APLP1: variants seen among roughly 807,000 people sequenced by gnomAD.
APLP1 encodes the protein amyloid beta (A4) precursor-like protein 1.
Under a neutral mutation model 84.5 loss-of-function variants are expected in APLP1, and 46 were observed. The ratio of observed to expected loss-of-function variants is 0.54; its 90% confidence interval spans 0.43 to 0.70. APLP1 has a LOEUF of 0.70. Among genes scored for constraint, APLP1 ranks in the 30% least tolerant of loss-of-function variants. The probability of loss-of-function intolerance (pLI) is 0.00; values close to 1 mark genes in which losing one functional copy is unlikely to be tolerated. For missense variants in APLP1, 826 were observed against 900.2 expected (o/e 0.92, Z 1.05); for synonymous variants, 376 against 364.0 (o/e 1.03, Z -0.38).
At position 35,879,387 on chromosome 19, in the gene APLP1, G is replaced by A; in HGVS notation, c.1902G>A (p.Leu634=). The part of the protein sequence containing the change: ...LTLEEQQLRE[L]QRHGYENPTY... ...TGGAGGAGCAGCAGCTCCGCGAACTGCAGCGGCACGGCTATGAGAACCCCA... is the reference window on the plus strand; with the variant it reads ...TGGAGGAGCAGCAGCTCCGCGAACTACAGCGGCACGGCTATGAGAACCCCA... Residue 634 remains leucine, a synonymous_variant, in exon 17 of 17, where the codon CTG becomes CTA. Transcript: ENST00000221891. 3 of 1,613,968 alleles carry A rather than the reference G, an allele frequency of 1.9e-6. No individual in the cohort carries two copies. The highest frequency in any genetic ancestry group is 1.1e-5 in the South Asian group (1 of 91,086).
intron 10 of APLP1, among the ~76,000 whole-genome samples, chr19:35,876,056 T>C (rs1438982965): frequency 6.6e-6 from 1 of 152,242 alleles, no homozygotes; most frequent in African/African-American, 2.4e-5. Context: ...ATTACAGGCA[T>C]GAGCCACCGC....
rs2146899956 is a variant in APLP1, at chr19:35,869,814, G to A, written c.291+4G>A. 6.3e-7 allele frequency: 1 copy of A among 1,589,718 alleles called. No individual in the cohort carries two copies. ...CGTGCTGGAGTACTGCAGACAGGTG[G>A]GCGGGGCCGAACGGGAGAGGCGGGG... On this transcript the variant is annotated splice_donor_region_variant and intron_variant, in intron 2 of 16. Coordinates refer to ENST00000221891, the MANE Select transcript of APLP1 (RefSeq NM_001024807.3).
chr19:35,878,079 C>T lies in APLP1; in HGVS notation c.1553-3C>T, dbSNP rs1378577074. Reference sequence around the variant, plus strand: ...CCACTCCCTTGCTTCCTCTGGCTGCCAGCAGACACCCCCATGACCCTTCCA... The same window carrying T: ...CCACTCCCTTGCTTCCTCTGGCTGCTAGCAGACACCCCCATGACCCTTCCA... On this transcript the variant is annotated splice_polypyrimidine_tract_variant and splice_region_variant and intron_variant, in intron 12 of 16. Transcript: ENST00000221891. 1 of 1,612,682 alleles carries T rather than the reference C, an allele frequency of 6.2e-7. No individual in the cohort carries two copies. The highest frequency in any genetic ancestry group is 2.2e-5 in the East Asian group (1 of 44,798).
In APLP1 at chr19:35,871,366, A is replaced by G; in HGVS notation, c.537+17A>G. On this transcript the variant is annotated intron_variant, in intron 4 of 16. Transcript: ENST00000221891. ...GCACAGGAGGTCAGGACGTTGGCCCACCCGTCCCCAGCCCCCACAACCCAG... is the reference window on the plus strand; with the variant it reads ...GCACAGGAGGTCAGGACGTTGGCCCGCCCGTCCCCAGCCCCCACAACCCAG... 4 of 1,577,728 alleles carry G rather than the reference A, an allele frequency of 2.5e-6. No homozygotes were observed. The highest frequency in any genetic ancestry group is 3.4e-6 in the Non-Finnish European group (4 of 1,160,466).
chr19:35,873,502 C>T, intron 7 of APLP1, 137 bp from the exon 8 acceptor site: 1 of 786,590 alleles, frequency 1.3e-6, no homozygotes, highest in Non-Finnish European at 2.2e-6. Context: ...CCACCTCGGC[C>T]TCCCAAAGTG....
At position 35,872,069 on chromosome 19, in the gene APLP1, C is replaced by T; in HGVS notation, c.850+33C>T. ...AGTCTCTGAACCCCTGGGGCCTCTC[C>T]ACCATAGAGGGAGAAAGATCTGGGG... On this transcript the variant is annotated intron_variant, in intron 6 of 16. Transcript: ENST00000221891. The T allele has an allele frequency of 1.9e-6, 3 of 1,598,354 alleles. No individual in the cohort carries two copies. The South Asian group carries it at 3.4e-5, about 18-fold the overall frequency.
In APLP1 at chr19:35,878,649, C is replaced by T. The variant is rs776958157; in HGVS notation, c.1645C>T (p.Arg549Ter). The change falls in exon 14 of 17, where the codon CGA (arginine) becomes TGA (stop). Residue 549 changes from arginine to a stop codon, truncating the protein, a stop_gained. Transcript: ENST00000221891. LOFTEE classifies it high-confidence loss of function. ...EKMNPLEQYE[R>*]KVNASVPRGF... ...GATGAACCCGCTGGAACAGTATGAG[C>T]GAAAGGTAAGTTAGTCAGAACTGTG... 18 of 1,613,864 alleles carry T rather than the reference C, an allele frequency of 1.1e-5. No homozygotes were observed. Among genetic ancestry groups the T allele is most frequent in the Non-Finnish European group, 1.5e-5 (18 of 1,179,988 alleles).
Position 35,868,970 on chromosome 19 carries a change from C to T in APLP1, c.147+187C>T. ...GCTCCCCCATCATGCGACGTCCCAG[C>T]CCCCTCCCATCTCGAGCATAGGAAC... On this transcript the variant is annotated intron_variant, in intron 1 of 16. Coordinates refer to ENST00000221891, the MANE Select transcript of APLP1 (RefSeq NM_001024807.3). The surrounding 1 kb of genome is among the most constrained non-coding windows in gnomAD (Gnocchi z 5.2). 2.5e-6 allele frequency: 1 copy of T among 404,702 alleles called. No homozygotes were observed. The highest frequency in any genetic ancestry group is 8.8e-5 in the South Asian group (1 of 11,370). The allele number at this position is 404,702 out of a possible 1,614,324, so 25.1% of individuals were successfully genotyped here.
intron 2 of APLP1, chr19:35,870,648 G>A: frequency 1.1e-5 from 5 of 458,088 alleles, no homozygotes; most frequent in Middle Eastern, 5.8e-4. Context: ...GCCTGGCATG[G>A]TGGTGCGTGC....
chr19:35,869,494 C>T (rs1974083898), intron 1 of APLP1, 173 bp from the exon 2 acceptor site: 1 of 901,772 alleles, frequency 1.1e-6, no homozygotes, highest in Non-Finnish European at 1.7e-6. Context: ...AGCGCTGGGG[C>T]GCCCCCGCCC....
chr19:35,876,158 C>T (rs1352824053), intron 10 of APLP1, among the ~76,000 whole-genome samples: 1 of 152,158 alleles, frequency 6.6e-6, no homozygotes, highest in African/African-American at 2.4e-5. Flanking sequence ...CCCTGGAACC[C>T]CTGTTCTGTG....
chr19:35,874,779 T>C lies in APLP1; in HGVS notation c.1254T>C (p.Arg418=), dbSNP rs1190716133. 1 of 1,613,490 alleles carries C rather than the reference T, an allele frequency of 6.2e-7. No homozygotes were observed. Among genetic ancestry groups the C allele is most frequent in the African/African-American group, 1.3e-5 (1 of 74,922 alleles). ...TGTTGGCCCTGCGGCGCTACCTGCG[T>C]GCGGAGCAGAAGGAACAGAGGCACA... is the stretch of plus-strand genomic sequence containing the variant. ...RVLLALRRYL[R]AEQKEQRHTL... is the part of the protein sequence containing the mutation. Residue 418 remains arginine (R), a synonymous_variant, in exon 10 of 17, where the codon CGT becomes CGC. Transcript: ENST00000221891. The surrounding 1 kb of genome is among the most constrained non-coding windows in gnomAD (Gnocchi z 6.4).
rs764892199 is a variant in APLP1 at position 35,872,026 on chromosome 19, G to A, written c.840G>A (p.Val280=). The change falls in exon 6 of 17, where the codon GTG becomes GTA. Residue 280 remains valine, a synonymous_variant. Transcript: ENST00000221891. ...VPPPSSHTLA[V]VGKVTPTPRP... is the part of the protein sequence containing the mutation. ...CCCCAAGCTCCCATACACTTGCAGTGGTCGGCAAAGGTGAGGCAGTCTCTG... is the reference window on the plus strand; with the variant it reads ...CCCCAAGCTCCCATACACTTGCAGTAGTCGGCAAAGGTGAGGCAGTCTCTG... 2.5e-6 allele frequency: 4 copies of A among 1,613,696 alleles called. No individual in the cohort carries two copies. In the East Asian group the frequency reaches 8.9e-5, roughly 36 times the overall value.
chr19:35,878,483 C>T (rs1185746300), intron 13 of APLP1, 101 bp from the exon 14 acceptor site: 4 of 1,206,652 alleles, frequency 3.3e-6, no homozygotes, highest in Non-Finnish European at 4.9e-6. Context: ...GAAGTTGAGG[C>T]TGCAGTGAGC....
intron 11 of APLP1, among the ~76,000 whole-genome samples, chr19:35,877,080 T>G (rs1328479238): frequency 6.6e-6 from 1 of 152,194 alleles, no homozygotes; most frequent in African/African-American, 2.4e-5. Context: ...TCAGTCCAGA[T>G]TCAAGGGAAG....
Position 35,868,735 on chromosome 19 carries a change from G to A in APLP1, c.99G>A (p.Ala33=). 6.5e-6 allele frequency: 9 copies of A among 1,389,388 alleles called. No individual in the cohort carries two copies. Among genetic ancestry groups the A allele is most frequent in the South Asian group, 1.6e-5 (1 of 63,682 alleles). 86.1% of individuals were successfully genotyped at this position (1,389,388 alleles called of 1,614,324 possible). A position where few individuals can be genotyped will look rare whatever the true frequency, so the allele number is the denominator to read the frequency against. Reference sequence around the variant, plus strand: ...CACTATTGCTGCTGCTTCTGCGCGCGCAGCCCGCCATCGGGAGCCTGGCCG... The same window carrying A: ...CACTATTGCTGCTGCTTCTGCGCGCACAGCCCGCCATCGGGAGCCTGGCCG... ...LLPLLLLLLR[A]QPAIGSLAGG... is the part of the protein sequence containing the mutation. The change falls in exon 1 of 17, where the codon GCG becomes GCA. Residue 33 remains alanine, a synonymous_variant. Coordinates refer to ENST00000221891, the MANE Select transcript of APLP1 (RefSeq NM_001024807.3). This position sits in a 1 kb window ranked among gnomAD's most constrained non-coding sequence, Gnocchi z 5.2.
intron 14 of APLP1, 65 bp from the exon 15 acceptor site, chr19:35,878,825 G>A: frequency 1.3e-6 from 2 of 1,594,272 alleles, no homozygotes; most frequent in South Asian, 2.2e-5. Flanking sequence ...ACGCTCTCTT[G>A]GGCCCTTGGG....
At position 35,871,225 on chromosome 19, in the gene APLP1, G is replaced by A. The variant is rs201119637; in HGVS notation, c.425-12G>A. 299 of 1,611,414 alleles carry A rather than the reference G, an allele frequency of 1.9e-4. 1 individual carries two copies. The African/African-American group carries it at 3.2e-3, about 17-fold the overall frequency. On this transcript the variant is annotated splice_polypyrimidine_tract_variant and intron_variant, in intron 3 of 16. Transcript: ENST00000221891. ...TAGGAGGATCTCACCCTGGTGTCCC[G>A]TGCTTCCCCAGCTGGTGAATTTGTG... is the stretch of plus-strand genomic sequence containing the variant.
Position 35,878,259 on chromosome 19 carries a change from A to G in APLP1, c.1579+151A>G, listed in dbSNP as rs1974328179. ...CCTCCTCTGGACCCTAAAGAATGAG[A>G]TAGGGCCAGGCGCTGGTGACTCACA... On this transcript the variant is annotated intron_variant, in intron 13 of 16. Transcript: ENST00000221891. The G allele has an allele frequency of 3.3e-6, 3 of 922,298 alleles. No homozygotes were observed. The Admixed American group carries it at 7.1e-5, about 22-fold the overall frequency. The allele number at this position is 922,298 out of a possible 1,614,324, so 57.1% of individuals were successfully genotyped here. A position where few individuals can be genotyped will look rare whatever the true frequency, so the allele number is the denominator to read the frequency against.
Sources: allele counts gnomAD v4.1 joint callset (sites outside exome capture counted in the v4.1 genomes callset), GRCh38; gene constraint gnomAD v4.1.1; non-coding constraint Gnocchi (gnomAD v3.1); transcripts MANE v1.5; gene names NCBI Gene and HGNC (gene_info 2026-07-23, HGNC 2026-07-21).